AKR1D1: variants seen among roughly 807,000 people sequenced by gnomAD.
AKR1D1 encodes delta(4)-3-ketosteroid 5-beta-reductase.
Under a neutral mutation model 42.6 loss-of-function variants are expected in AKR1D1, and 32 were observed. The ratio of observed to expected loss-of-function variants is 0.75; its 90% CI spans 0.57 to 1.01. The LOEUF (loss-of-function observed/expected upper bound fraction) is 1.01, where lower values mean the gene tolerates loss of function less well. Ranked by LOEUF, AKR1D1 falls within the 50% of genes least tolerant of loss-of-function variation. The probability of loss-of-function intolerance (pLI) is 0.00; values close to 1 mark genes in which losing one functional copy is unlikely to be tolerated. For synonymous variants in AKR1D1, 123 were observed against 135.5 expected (o/e 0.91, Z 0.64); for missense variants, 364 against 402.2 (o/e 0.91, Z 0.81).
intron 6 of AKR1D1, 140 bp from the exon 7 acceptor site, chr7:138,107,275 T>G: frequency 1.1e-6 from 1 of 892,094 alleles, no homozygotes; most frequent in Non-Finnish European, 1.9e-6. Context: ...TACTCTGCAC[T>G]CAGAGAAACT....
intron 1 of AKR1D1, among the ~76,000 whole-genome samples, chr7:138,079,255 G>A (rs891128434): frequency 2.0e-5 from 3 of 152,082 alleles, no homozygotes; most frequent in Non-Finnish European, 2.9e-5. Context: ...TTTCAGATCT[G>A]GTTTTAAGCT....
At chr7:138,105,723 C>G (rs1363143337) in intron 5 of AKR1D1, among the ~76,000 whole-genome samples, 1 of 152,082 alleles carries the variant, frequency 6.6e-6, no homozygotes, top group Non-Finnish European at 1.5e-5. Flanking sequence ...CCCGTCTGTA[C>G]TAAAAATACA....
At chr7:138,095,754 G>A (rs1169759663) in intron 3 of AKR1D1, among the ~76,000 whole-genome samples, 1 of 149,486 alleles carries the variant, frequency 6.7e-6, no homozygotes. Context: ...TCGAACTCCT[G>A]ACCTCAGCTG....
At chr7:138,112,834 A>G (rs1056478861) in intron 7 of AKR1D1, among the ~76,000 whole-genome samples, 11 of 151,650 alleles carry the variant, frequency 7.3e-5, no homozygotes, top group African/African-American at 2.4e-4. Context: ...AAGTGAAAAA[A>G]TATATATAAA....
intron 1 of AKR1D1, among the ~76,000 whole-genome samples, chr7:138,078,650 C>T (rs1802990171): frequency 6.6e-6 from 1 of 152,308 alleles, no homozygotes; most frequent in South Asian, 2.1e-4. Flanking sequence ...TTATCTCTCC[C>T]CCATGTAAGT....
rs754786571 is a variant in AKR1D1, at chr7:138,106,573, G to C, written c.580-35G>C. On this transcript the variant is annotated intron_variant, in intron 5 of 8. Coordinates refer to ENST00000242375, the MANE Select transcript of AKR1D1 (RefSeq NM_005989.4). The stretch of plus-strand genomic sequence containing the variant: ...CAATTGCATTCAACAACGTGGCCTT[G>C]ATTTTGTGCTCTGCTCTCCAATGCA... 11 of 1,551,944 alleles carry C rather than the reference G, an allele frequency of 7.1e-6. No individual in the cohort carries two copies. The Admixed American group carries it at 1.8e-4, about 26-fold the overall frequency.
intron 3 of AKR1D1, among the ~76,000 whole-genome samples, chr7:138,096,553 T>C (rs139464825): frequency 4.0e-4 from 61 of 152,262 alleles, no homozygotes; most frequent in African/African-American, 1.4e-3. Flanking sequence ...ACACATGAAT[T>C]AGGGGGGACA....
At position 138,117,420 on chromosome 7, in the gene AKR1D1, C is replaced by T. The variant is rs938868969; in HGVS notation, c.*758C>T. On this transcript the variant is annotated 3_prime_UTR_variant, in exon 9 of 9. Transcript: ENST00000242375. ...ATAGAACCACTATTACGTGAAAAGG[C>T]TTGAAACAACCAACATATACAAATA... 3 of 152,574 alleles carry T rather than the reference C, an allele frequency of 2.0e-5. No individual in the cohort carries two copies. The highest frequency in any genetic ancestry group is 7.2e-5 in the African/African-American group (3 of 41,432). 9.5% of individuals were successfully genotyped at this position (152,574 alleles called of 1,614,324 possible). A position where few individuals can be genotyped will look rare whatever the true frequency, so the allele number is the denominator to read the frequency against.
At chr7:138,085,545 A>C (rs1460774448) in intron 1 of AKR1D1, among the ~76,000 whole-genome samples, 1 of 151,268 alleles carries the variant, frequency 6.6e-6, no homozygotes, top group Non-Finnish European at 1.5e-5. Context: ...CCCAGGTTCA[A>C]GAGATTCCCC....
At chr7:138,100,111 A>AAAAAAAAAAAAC (rs1562935392) in intron 4 of AKR1D1, among the ~76,000 whole-genome samples, 1 of 127,600 alleles carries the variant, frequency 7.8e-6, no homozygotes, top group African/African-American at 3.0e-5. Context: ...AAAAAAAAAA[A>AAAAAAAAAAAAC]AAAAAAACAT....
chr7:138,080,134 G>A (rs910854643), intron 1 of AKR1D1, among the ~76,000 whole-genome samples: 10 of 152,210 alleles, frequency 6.6e-5, no homozygotes, highest in South Asian at 4.1e-4. Context: ...GCCTGAGGGC[G>A]CCTTTTGGGT....
chr7:138,115,289 A>G (rs575546547), intron 8 of AKR1D1, among the ~76,000 whole-genome samples: 1 of 152,158 alleles, frequency 6.6e-6, no homozygotes, highest in Non-Finnish European at 1.5e-5. Flanking sequence ...CAAAAAATTT[A>G]AAAATAAGCC....
intron 4 of AKR1D1, among the ~76,000 whole-genome samples, chr7:138,099,882 A>C (rs1794255921): frequency 6.6e-6 from 1 of 151,352 alleles, no homozygotes; most frequent in Non-Finnish European, 1.5e-5. Context: ...AGAAAAAAAA[A>C]AACACGAAGA....
Position 138,076,485 on chromosome 7 carries a change from G to T in AKR1D1, c.-34G>T, listed in dbSNP as rs373481986. 3 of 1,573,128 alleles carry T rather than the reference G, an allele frequency of 1.9e-6. No homozygotes were observed. The highest frequency in any genetic ancestry group is 2.6e-6 in the Non-Finnish European group (3 of 1,143,332). Reference sequence around the variant, plus strand: ...CCTTTCTAAAAAGACTCCCTGTGGTGTTCAGAATCACTCCTACAGTCAGGT... The same window carrying T: ...CCTTTCTAAAAAGACTCCCTGTGGTTTTCAGAATCACTCCTACAGTCAGGT... On this transcript the variant is annotated 5_prime_UTR_variant, in exon 1 of 9. Transcript: ENST00000242375.
At chr7:138,098,306 T>C (rs1422385726) in intron 4 of AKR1D1, 2 of 197,038 alleles carry the variant, frequency 1.0e-5, no homozygotes, top group African/African-American at 4.8e-5. Context: ...CTTAAAATGA[T>C]ACATAAAAAA....
chr7:138,090,562 G>A (rs546129574), intron 2 of AKR1D1, among the ~76,000 whole-genome samples: 24 of 151,310 alleles, frequency 1.6e-4, no homozygotes, highest in Non-Finnish European at 2.8e-4. Context: ...GCTTGAACCC[G>A]GGAGGCAGAG....
At chr7:138,108,792 AG>A (rs1794481939) in intron 7 of AKR1D1, among the ~76,000 whole-genome samples, 1 of 152,168 alleles carries the variant, frequency 6.6e-6, no homozygotes, top group East Asian at 1.9e-4. Flanking sequence ...ACATAAAGAG[AG>A]TGCATCTTAT....
At chr7:138,114,620 A>G (rs1794598833) in intron 8 of AKR1D1, among the ~76,000 whole-genome samples, 1 of 145,906 alleles carries the variant, frequency 6.9e-6, no homozygotes, top group South Asian at 2.2e-4. Flanking sequence ...AGATCATGCC[A>G]TTGCACTCCA....
intron 1 of AKR1D1, among the ~76,000 whole-genome samples, chr7:138,078,179 C>G (rs987350198): frequency 6.6e-6 from 1 of 152,116 alleles, no homozygotes; most frequent in African/African-American, 2.4e-5. Flanking sequence ...CCAGGTTGGT[C>G]TTGAACTCCT....
Sources: gnomAD v4.1 joint callset for allele counts (sites outside exome capture counted in the v4.1 genomes callset) on GRCh38, gnomAD v4.1.1 for gene constraint, MANE v1.5 for transcripts, NCBI Gene and HGNC (gene_info 2026-07-23, HGNC 2026-07-21) for gene names.